Variants in ARNT2 observed in about 807,000 individuals in gnomAD.
The protein encoded by ARNT2 is ARNT protein 2.
ARNT2 carries 36 observed loss-of-function variants against 91.7 expected under a neutral mutation model. The observed-to-expected ratio is 0.39, with a 90% CI of 0.30 to 0.52. The LOEUF (loss-of-function observed/expected upper bound fraction) is 0.52, where lower values mean the gene tolerates loss of function less well. Among genes scored for constraint, ARNT2 ranks in the 20% least tolerant of loss-of-function variants. ARNT2 has a pLI of 0.72. For missense variants in ARNT2, 775 were observed against 939.3 expected (o/e 0.83, Z 2.29); for synonymous variants, 365 against 347.1 (o/e 1.05, Z -0.57).
intron 5 of ARNT2, among the ~76,000 whole-genome samples, chr15:80,478,948 C>T (rs1161022768): frequency 6.6e-6 from 1 of 152,206 alleles, no homozygotes; most frequent in Non-Finnish European, 1.5e-5. Flanking sequence ...ACATGGTCCA[C>T]TTTGGGAGAG....
intron 8 of ARNT2, among the ~76,000 whole-genome samples, chr15:80,545,502 A>G (rs1055782212): frequency 1.3e-5 from 2 of 152,198 alleles, no homozygotes; most frequent in Admixed American, 1.3e-4. Flanking sequence ...GGTGTGGCCA[A>G]CTTCTAGGAG....
At chr15:80,550,222 C>G (rs1898059905) in intron 8 of ARNT2, among the ~76,000 whole-genome samples, 1 of 152,144 alleles carries the variant, frequency 6.6e-6, no homozygotes, top group Non-Finnish European at 1.5e-5. Flanking sequence ...GACTGGTCAC[C>G]TACAGAGGGT....
intron 16 of ARNT2, 168 bp from the exon 17 acceptor site, chr15:80,581,071 T>G (rs1898788763): frequency 1.3e-6 from 1 of 771,670 alleles, no homozygotes; most frequent in Non-Finnish European, 2.1e-6. Flanking sequence ...TCCTGGGCCC[T>G]CACACACCGG....
intron 16 of ARNT2, 119 bp from the exon 17 acceptor site, chr15:80,581,120 A>C: frequency 8.1e-7 from 1 of 1,228,930 alleles, no homozygotes; most frequent in Middle Eastern, 1.9e-4. Flanking sequence ...CAAGAGGGTC[A>C]TGGGGAGTCA....
At chr15:80,522,245 G>T (rs1595996870) in intron 8 of ARNT2, among the ~76,000 whole-genome samples, 1 of 152,104 alleles carries the variant, frequency 6.6e-6, no homozygotes, top group African/African-American at 2.4e-5. Flanking sequence ...CATGGAAAGG[G>T]TGCTATCATT....
intron 1 of ARNT2, among the ~76,000 whole-genome samples, chr15:80,438,221 T>A (rs1363702327): frequency 6.6e-6 from 1 of 152,278 alleles, no homozygotes; most frequent in Non-Finnish European, 1.5e-5. Context: ...TAGATACTCC[T>A]GTGCTTACCA....
intron 8 of ARNT2, 180 bp from the exon 9 acceptor site, chr15:80,551,019 C>T (rs1898071399): frequency 1.7e-6 from 1 of 590,690 alleles, no homozygotes; most frequent in Non-Finnish European, 3.0e-6. Context: ...TATCAAAAGA[C>T]ATCAGGCAGA....
chr15:80,423,669 A>G (rs1895892686), intron 1 of ARNT2, among the ~76,000 whole-genome samples: 1 of 152,142 alleles, frequency 6.6e-6, no homozygotes. Flanking sequence ...ATTCCCATCC[A>G]TTATGAGTAG....
chr15:80,579,133 C>T (rs937385374), intron 15 of ARNT2, among the ~76,000 whole-genome samples: 3 of 152,182 alleles, frequency 2.0e-5, no homozygotes, highest in East Asian at 1.9e-4. Flanking sequence ...TCTGCCAAGG[C>T]GCCTTTCCTA....
intron 17 of ARNT2, among the ~76,000 whole-genome samples, chr15:80,583,421 G>A (rs1390210253): frequency 1.3e-5 from 2 of 152,224 alleles, no homozygotes; most frequent in African/African-American, 4.8e-5. Context: ...AATGGAGACG[G>A]GACACAGGAA....
chr15:80,481,409 T>G (rs77859948), intron 5 of ARNT2, among the ~76,000 whole-genome samples: 2 of 152,178 alleles, frequency 1.3e-5, no homozygotes, highest in African/African-American at 4.8e-5. Context: ...TTGCATTTAT[T>G]CTTCTCATTA....
chr15:80,511,791 G>T (rs1354280892), intron 6 of ARNT2, among the ~76,000 whole-genome samples: 3 of 152,100 alleles, frequency 2.0e-5, no homozygotes. Context: ...CTGAGAAGGA[G>T]CAGAGAGGCA....
At chr15:80,566,106 T>C (rs1262760419) in intron 12 of ARNT2, among the ~76,000 whole-genome samples, 1 of 152,208 alleles carries the variant, frequency 6.6e-6, no homozygotes, top group Non-Finnish European at 1.5e-5. Context: ...CCGGTAAAAG[T>C]GGTCTGCAGT....
intron 8 of ARNT2, among the ~76,000 whole-genome samples, chr15:80,537,656 G>C (rs1897847519): frequency 6.6e-6 from 1 of 152,170 alleles, no homozygotes; most frequent in Admixed American, 6.5e-5. Context: ...TGACCTGGTA[G>C]AGAAAAGGGC....
intron 1 of ARNT2, among the ~76,000 whole-genome samples, chr15:80,412,055 A>G (rs1388267188): frequency 2.0e-5 from 3 of 152,246 alleles, no homozygotes; most frequent in African/African-American, 7.2e-5. Flanking sequence ...GGAAGGCAGC[A>G]ACAAGGTCAA....
intron 8 of ARNT2, among the ~76,000 whole-genome samples, chr15:80,517,416 G>A (rs1897456067): frequency 6.6e-6 from 1 of 152,012 alleles, no homozygotes; most frequent in African/African-American, 2.4e-5. Context: ...AATATAACAT[G>A]CCTAAATATA....
chr15:80,571,099 G>A (rs1333432160), intron 12 of ARNT2, among the ~76,000 whole-genome samples: 9 of 152,174 alleles, frequency 5.9e-5, no homozygotes, highest in Non-Finnish European at 1.5e-5. Flanking sequence ...TTCTCCAGGG[G>A]CAGAAGTTGT....
intron 3 of ARNT2, among the ~76,000 whole-genome samples, chr15:80,462,112 G>C (rs969599879): frequency 2.0e-5 from 3 of 152,104 alleles, no homozygotes; most frequent in Non-Finnish European, 2.9e-5. Context: ...TGCCCAGCAC[G>C]TCCTGCAACC....
At chr15:80,467,451 G>A (rs1896671892) in intron 3 of ARNT2, among the ~76,000 whole-genome samples, 1 of 152,208 alleles carries the variant, frequency 6.6e-6, no homozygotes, top group East Asian at 1.9e-4. Flanking sequence ...GAGGGCTGTG[G>A]GTGGTGCCTA....
Sources: gnomAD v4.1 joint callset for allele counts (sites outside exome capture counted in the v4.1 genomes callset) on GRCh38, gnomAD v4.1.1 for gene constraint, MANE v1.5 for transcripts, NCBI Gene and HGNC (gene_info 2026-07-23, HGNC 2026-07-21) for gene names.